The following CSGALNACT1 variants were observed in gnomAD, a reference collection of about 807,000 sequenced individuals.
CSGALNACT1 encodes chondroitin sulfate N-acetylgalactosaminyltransferase 1, also known as beta4GalNAcT-1.
In CSGALNACT1, 52 loss-of-function variants were observed where a neutral mutation model predicts 51.0. The ratio of observed to expected loss-of-function variants is 1.02; its 90% CI spans 0.82 to 1.29. The LOEUF (loss-of-function observed/expected upper bound fraction) is 1.29. CSGALNACT1 is among the 50% of genes most tolerant of loss of function. CSGALNACT1 has a pLI of 0.00. For missense variants in CSGALNACT1, 935 were observed against 679.2 expected, an observed-to-expected ratio of 1.38 and a Z score of -4.19; for synonymous variants, 341 against 254.4, an observed-to-expected ratio of 1.34 and a Z score of -3.24.
rs540707426 is a variant in CSGALNACT1, at chr8:19,735,009, A to G, written c.-297+22841T>C. Reference sequence around the variant, plus strand: ...TTTGATCTTGCTATCCAGGAAATCAATGGTAGTGAGCCACTTAGAAGGGAC... The same window carrying G: ...TTTGATCTTGCTATCCAGGAAATCAGTGGTAGTGAGCCACTTAGAAGGGAC... On this transcript the variant is annotated intron_variant, in intron 1 of 1. Coordinates refer to the CSGALNACT1 transcript ENST00000517494. Among the ~76,000 whole-genome samples the G allele has an allele frequency of 1.2e-4, 19 of 152,242 alleles. No homozygotes were observed. The South Asian group carries it at 3.7e-3, about 30-fold the overall frequency.
intron 1 of CSGALNACT1, among the ~76,000 whole-genome samples, chr8:19,697,205 C>G (rs1304917390): frequency 6.6e-6 from 1 of 152,028 alleles, no homozygotes; most frequent in Non-Finnish European, 1.5e-5. Context: ...AGAGAGATGA[C>G]CACCATGAAG....
At chr8:19,500,131 A>T (rs4317590) in intron 4 of CSGALNACT1, among the ~76,000 whole-genome samples, 42 of 152,146 alleles carry the variant, frequency 2.8e-4, no homozygotes, top group Admixed American at 1.9e-3. Context: ...GGAACCTTCT[A>T]TCACACAGGC....
intron 3 of CSGALNACT1, among the ~76,000 whole-genome samples, chr8:19,527,467 A>T: frequency 6.6e-6 from 1 of 152,100 alleles, no homozygotes; most frequent in South Asian, 2.1e-4. Context: ...AAAATTAGCC[A>T]GGCATGGTGG....
chr8:19,604,695 C>T (rs1193286298), upstream of CSGALNACT1, among the ~76,000 whole-genome samples: 1 of 148,950 alleles, frequency 6.7e-6, no homozygotes, highest in Non-Finnish European at 1.5e-5. Flanking sequence ...ATCACAATGT[C>T]AGGAGATCAA....
At position 19,741,560 on chromosome 8, in the gene CSGALNACT1, C is replaced by CAAA. The variant is rs71545567; in HGVS notation, c.-297+16287_-297+16289dup. Among the ~76,000 whole-genome samples the CAAA allele has an allele frequency of 6.4e-3, 696 of 108,732 alleles. 21 individuals are homozygous for CAAA. Among genetic ancestry groups the CAAA allele is most frequent in the African/African-American group, 0.017 (510 of 30,402 alleles). 71.3% of individuals were successfully genotyped at this position (108,732 alleles called of 152,430 possible). ...CCTGGGCGAAAGAGTGAGACTCCAT[C>CAAA]AAAAAAAAAAAAAAAAAAAGGGAGT... is the stretch of plus-strand genomic sequence containing the variant. On this transcript the variant is annotated intron_variant, in intron 1 of 1. Coordinates refer to the CSGALNACT1 transcript ENST00000517494.
intron 3 of CSGALNACT1, among the ~76,000 whole-genome samples, chr8:19,579,070 G>A (rs1041278399): frequency 3.9e-5 from 6 of 152,070 alleles, no homozygotes; most frequent in Non-Finnish European, 1.5e-5. Flanking sequence ...ATGTAAAAAT[G>A]AACTTGAGCC....
intron 2 of CSGALNACT1, among the ~76,000 whole-genome samples, chr8:19,592,786 T>A (rs1235063626): frequency 4.6e-5 from 7 of 151,976 alleles, no homozygotes; most frequent in Non-Finnish European, 7.4e-5. Context: ...AAAAAAAATT[T>A]AAAAAAAGGG....
intron 2 of CSGALNACT1, among the ~76,000 whole-genome samples, chr8:19,600,851 A>G (rs372956533): frequency 5.3e-5 from 8 of 151,416 alleles, no homozygotes; most frequent in East Asian, 1.9e-4. Context: ...AAGCAAAACC[A>G]TCAAGCAAAC....
At chr8:19,535,365 C>A (rs925944857) in intron 3 of CSGALNACT1, among the ~76,000 whole-genome samples, 3 of 152,078 alleles carry the variant, frequency 2.0e-5, no homozygotes, top group Admixed American at 2.0e-4. Flanking sequence ...ATAACTTAGC[C>A]ATTAACAACT....
At chr8:19,498,298 G>A (rs983970475) in intron 4 of CSGALNACT1, among the ~76,000 whole-genome samples, 1 of 152,100 alleles carries the variant, frequency 6.6e-6, no homozygotes, top group Admixed American at 6.5e-5. Flanking sequence ...ATACACACAT[G>A]TTGATTAAGC....
At chr8:19,605,217 C>A (rs1304896549), upstream of CSGALNACT1, among the ~76,000 whole-genome samples, 4 of 152,294 alleles carry the variant, frequency 2.6e-5, 1 homozygote, top group Middle Eastern at 3.4e-3. Context: ...ACAATGACAT[C>A]CCTCTGTCTA....
At chr8:19,633,591 G>C (rs190404815) in intron 1 of CSGALNACT1, among the ~76,000 whole-genome samples, 3 of 152,328 alleles carry the variant, frequency 2.0e-5, no homozygotes, top group East Asian at 1.9e-4. Flanking sequence ...CAGCTGCAAA[G>C]CAAGGAATCC....
chr8:19,614,021 A>G (rs887772127), intron 1 of CSGALNACT1, among the ~76,000 whole-genome samples: 1 of 152,222 alleles, frequency 6.6e-6, no homozygotes, highest in African/African-American at 2.4e-5. Context: ...GCCGTGTCAA[A>G]GTTAACAAGT....
chr8:19,669,814 CA>C (rs1265625333), intron 1 of CSGALNACT1, among the ~76,000 whole-genome samples: 1 of 152,116 alleles, frequency 6.6e-6, no homozygotes, highest in Non-Finnish European at 1.5e-5. Flanking sequence ...AATGTTGTGG[CA>C]ACATTAATTT....
At chr8:19,657,195 G>C (rs957171982) in intron 1 of CSGALNACT1, among the ~76,000 whole-genome samples, 1 of 149,426 alleles carries the variant, frequency 6.7e-6, no homozygotes, top group Non-Finnish European at 1.5e-5. Flanking sequence ...TAGAGCTGTA[G>C]AAATCCAGAA....
Position 19,490,019 on chromosome 8 carries a change from G to C in CSGALNACT1, c.634+15182C>G, listed in dbSNP as rs78163377. On this transcript the variant is annotated intron_variant, in intron 4 of 9. Transcript: ENST00000454498. ...TGCCTTCATAGACTAATTACCACATGGGCCAGCTGCCTTCCTGGACCATCT... is the reference window on the plus strand; with the variant it reads ...TGCCTTCATAGACTAATTACCACATCGGCCAGCTGCCTTCCTGGACCATCT... 5.4e-3 allele frequency among the ~76,000 whole-genome samples: 815 copies of C among 152,250 alleles called. 5 individuals carry two copies. The highest frequency in any genetic ancestry group is 0.019 in the African/African-American group (787 of 41,542).
At chr8:19,742,320 G>T (rs984740432) in intron 1 of CSGALNACT1, among the ~76,000 whole-genome samples, 2 of 152,196 alleles carry the variant, frequency 1.3e-5, no homozygotes, top group African/African-American at 4.8e-5. Context: ...CCACAGTGCC[G>T]TATAAACTGA....
intron 1 of CSGALNACT1, among the ~76,000 whole-genome samples, chr8:19,735,343 C>T (rs1386972881): frequency 6.6e-6 from 1 of 152,020 alleles, no homozygotes; most frequent in African/African-American, 2.4e-5. Flanking sequence ...GACAGTACTC[C>T]CAGATGCCTC....
intron 5 of CSGALNACT1, among the ~76,000 whole-genome samples, chr8:19,444,894 G>C (rs1383966178): frequency 6.6e-6 from 1 of 152,192 alleles, no homozygotes; most frequent in Non-Finnish European, 1.5e-5. Context: ...AGTTTAGAAA[G>C]GCAGAGGTAA....
Sources: gnomAD v4.1 joint callset for allele counts (sites outside exome capture counted in the v4.1 genomes callset) on GRCh38, gnomAD v4.1.1 for gene constraint, MANE v1.5 for transcripts, NCBI Gene and HGNC (gene_info 2026-07-23, HGNC 2026-07-21) for gene names.